Variants in MYO5B observed in about 807,000 individuals in gnomAD.
The protein encoded by MYO5B is myosin VB, also known as unconventional myosin-Vb.
MYO5B carries 143 observed loss-of-function variants against 229.3 expected under a neutral mutation model. The observed-to-expected ratio is 0.62, with a 90% CI of 0.54 to 0.72. The LOEUF (loss-of-function observed/expected upper bound fraction) is 0.72. MYO5B is among the 30% of genes least tolerant of loss of function. The pLI, the probability that MYO5B is intolerant of heterozygous loss-of-function variation, is 0.00. For missense variants in MYO5B, 2,321 were observed against 2,331.0 expected, an observed-to-expected ratio of 1.00 and a Z score of 0.09; for synonymous variants, 918 against 885.2, an observed-to-expected ratio of 1.04 and a Z score of -0.66.
At chr18:49,923,455 G>A (rs1014142573) in intron 17 of MYO5B, among the ~76,000 whole-genome samples, 1 of 152,158 alleles carries the variant, frequency 6.6e-6, no homozygotes, top group Non-Finnish European at 1.5e-5. Flanking sequence ...ACCCATGTGA[G>A]CCCCTAGAAG....
intron 17 of MYO5B, among the ~76,000 whole-genome samples, chr18:49,924,019 T>C (rs1258729087): frequency 1.3e-5 from 2 of 152,194 alleles, no homozygotes; most frequent in African/African-American, 2.4e-5. Flanking sequence ...CAGTTTCTTG[T>C]ACAGTGATCC....
intron 3 of MYO5B, among the ~76,000 whole-genome samples, chr18:50,039,234 T>C (rs544107265): frequency 1.6e-4 from 24 of 152,296 alleles, no homozygotes; most frequent in African/African-American, 5.5e-4. Flanking sequence ...GTTTATAGGG[T>C]TCTATTTTTG....
chr18:50,107,913 T>G lies in MYO5B; in HGVS notation c.28-52535A>C, dbSNP rs935151812. ...CCTCTAGAGCAAACCATTATCCTTT[T>G]TTGTTGTTGTTAAGACAGTCTCACC... is the stretch of plus-strand genomic sequence containing the variant. On this transcript the variant is annotated intron_variant, in intron 1 of 39. Coordinates refer to ENST00000285039, the MANE Select transcript of MYO5B (RefSeq NM_001080467.3). 3.9e-5 allele frequency among the ~76,000 whole-genome samples: 6 copies of G among 152,116 alleles called. No individual in the cohort carries two copies. The East Asian group carries it at 1.2e-3, about 29-fold the overall frequency.
intron 16 of MYO5B, among the ~76,000 whole-genome samples, chr18:49,930,232 C>T (rs1426441626): frequency 6.6e-6 from 1 of 152,300 alleles, no homozygotes; most frequent in South Asian, 2.1e-4. Flanking sequence ...CCATGCCTAG[C>T]ACTGCGTAGG....
At chr18:50,188,075 T>C (rs1355267597) in intron 1 of MYO5B, among the ~76,000 whole-genome samples, 1 of 152,234 alleles carries the variant, frequency 6.6e-6, no homozygotes, top group Non-Finnish European at 1.5e-5. Flanking sequence ...TGGAGCAATC[T>C]GGAAAAATAT....
At chr18:49,894,250 T>C (rs955702743) in intron 22 of MYO5B, among the ~76,000 whole-genome samples, 4 of 151,958 alleles carry the variant, frequency 2.6e-5, no homozygotes, top group Admixed American at 2.0e-4. Flanking sequence ...GGCAACATGC[T>C]ATTTCCCTTG....
chr18:49,892,877 GC>G (rs900688038), intron 22 of MYO5B, among the ~76,000 whole-genome samples: 123 of 152,256 alleles, frequency 8.1e-4, no homozygotes, highest in African/African-American at 2.9e-3. Flanking sequence ...TAGGGAAGGG[GC>G]TTTTGCACTA....
At chr18:50,031,620 C>T (rs1464862944) in intron 4 of MYO5B, among the ~76,000 whole-genome samples, 2 of 152,134 alleles carry the variant, frequency 1.3e-5, no homozygotes, top group Admixed American at 6.5e-5. Context: ...AAGTTCTTTC[C>T]ACAACAAGCT....
intron 1 of MYO5B, among the ~76,000 whole-genome samples, chr18:50,065,403 G>A (rs2030794933): frequency 6.6e-6 from 1 of 152,176 alleles, no homozygotes; most frequent in Admixed American, 6.5e-5. Context: ...AGTTCTGCAT[G>A]GCTGGGGAGG....
rs1787525 is a variant in MYO5B at position 49,954,668 on chromosome 18, G to A, written c.1546-233C>T. On this transcript the variant is annotated intron_variant, in intron 12 of 39. Coordinates refer to ENST00000285039, the MANE Select transcript of MYO5B (RefSeq NM_001080467.3). ...TCCCTTGGGACCTGTGGGAGCAGCT[G>A]AGCCTGCTGGTTGGCAGACACTGGA... 0.025 allele frequency among the ~76,000 whole-genome samples: 3,858 copies of A among 152,304 alleles called. 157 individuals carry two copies. Among genetic ancestry groups the A allele is most frequent in the African/African-American group, 0.08 (3,310 of 41,556 alleles).
intron 1 of MYO5B, among the ~76,000 whole-genome samples, chr18:50,134,548 C>T (rs538149172): frequency 7.0e-6 from 1 of 141,940 alleles, no homozygotes; most frequent in African/African-American, 2.7e-5. Context: ...GAGTGAGACT[C>T]CATCTCAATA....
intron 1 of MYO5B, among the ~76,000 whole-genome samples, chr18:50,194,326 C>A (rs1014377018): frequency 7.2e-5 from 11 of 152,168 alleles, no homozygotes; most frequent in Non-Finnish European, 1.6e-4. Context: ...AGAGCCGGCG[C>A]CGCAGAGCCC....
chr18:50,101,171 T>G (rs889444957), intron 1 of MYO5B, among the ~76,000 whole-genome samples: 1 of 152,192 alleles, frequency 6.6e-6, no homozygotes, highest in Non-Finnish European at 1.5e-5. Context: ...CTATGTGAGG[T>G]GATAGATGAC....
intron 1 of MYO5B, among the ~76,000 whole-genome samples, chr18:50,057,357 A>G (rs2030575241): frequency 6.6e-6 from 1 of 152,250 alleles, no homozygotes; most frequent in Non-Finnish European, 1.5e-5. Context: ...TACCTAAAGC[A>G]AAGTCTCCAC....
At chr18:50,051,155 A>C (rs867330304) in intron 2 of MYO5B, among the ~76,000 whole-genome samples, 1 of 152,244 alleles carries the variant, frequency 6.6e-6, no homozygotes, top group Non-Finnish European at 1.5e-5. Context: ...TAAATGTTTA[A>C]CAATGTTTTT....
Position 49,863,825 on chromosome 18 carries a change from G to A in MYO5B, c.3843+316C>T, listed in dbSNP as rs530361883. ...GGACTTGCCACCCTGGGGGACTGAG[G>A]AGGACCAATGACTCTCTCCACTTCA... On this transcript the variant is annotated intron_variant, in intron 28 of 39. Transcript: ENST00000285039. 2.9e-3 allele frequency among the ~76,000 whole-genome samples: 436 copies of A among 152,302 alleles called. 1 individual carries two copies. The highest frequency in any genetic ancestry group is 0.01 in the Middle Eastern group (3 of 294).
intron 1 of MYO5B, among the ~76,000 whole-genome samples, chr18:50,184,913 T>C (rs1289290668): frequency 6.6e-6 from 1 of 150,568 alleles, no homozygotes; most frequent in Non-Finnish European, 1.5e-5. Flanking sequence ...TATATATATA[T>C]ATATTATTTT....
At chr18:49,928,096 AAAAG>A (rs2025149815) in intron 17 of MYO5B, among the ~76,000 whole-genome samples, 1 of 152,230 alleles carries the variant, frequency 6.6e-6, no homozygotes, top group South Asian at 2.1e-4. Flanking sequence ...AATAATTCCC[AAAAG>A]AAGATATACA....
At chr18:49,831,143 AACTCT>A (rs949510352) in intron 39 of MYO5B, among the ~76,000 whole-genome samples, 4 of 152,330 alleles carry the variant, frequency 2.6e-5, no homozygotes, top group Admixed American at 2.6e-4. Flanking sequence ...TACAAAAATT[AACTCT>A]GAATGGATCA....
Sources: gnomAD v4.1 joint callset for allele counts (sites outside exome capture counted in the v4.1 genomes callset) on GRCh38, gnomAD v4.1.1 for gene constraint, MANE v1.5 for transcripts, NCBI Gene and HGNC (gene_info 2026-07-23, HGNC 2026-07-21) for gene names.